RAP1GAP: variants seen among roughly 807,000 people sequenced by gnomAD.
RAP1GAP encodes the protein RAP1 GTPase activating protein.
Under a neutral mutation model 87.2 loss-of-function variants are expected in RAP1GAP, and 35 were observed. The ratio of observed to expected loss-of-function variants is 0.40; its 90% CI spans 0.31 to 0.53. The LOEUF is 0.53. Ranked by LOEUF, RAP1GAP falls within the 20% of genes least tolerant of loss-of-function variation. The probability of loss-of-function intolerance (pLI) is 0.48; values close to 1 mark genes in which losing one functional copy is unlikely to be tolerated. For missense variants in RAP1GAP, 734 were observed against 898.9 expected, an observed-to-expected ratio of 0.82 and a Z score of 2.35; for synonymous variants, 375 against 363.9, an observed-to-expected ratio of 1.03 and a Z score of -0.35.
In RAP1GAP at chr1:21,617,014, C is replaced by T. The variant is rs554519708; in HGVS notation, c.291+292G>A. Among the ~76,000 whole-genome samples, 184 of 152,320 alleles carry T rather than the reference C, an allele frequency of 1.2e-3. 1 individual carries two copies. Among genetic ancestry groups the T allele is most frequent in the African/African-American group, 4.1e-3 (171 of 41,568 alleles). On this transcript the variant is annotated intron_variant, in intron 7 of 24. Coordinates refer to ENST00000374765, the MANE Select transcript of RAP1GAP (RefSeq NM_002885.4). ...GCACAGAGAAGTTAAGCGATTTACC[C>T]GATGTCCTGTGTAGTGGGTGGCAGA... is the stretch of plus-strand genomic sequence containing the variant.
chr1:21,650,425 T>G (rs1264599941), intron 1 of RAP1GAP, among the ~76,000 whole-genome samples: 1 of 151,882 alleles, frequency 6.6e-6, no homozygotes, highest in African/African-American at 2.4e-5. Context: ...CCAGGACGCA[T>G]GTGTGGGTAG....
intron 2 of RAP1GAP, among the ~76,000 whole-genome samples, chr1:21,649,511 A>G (rs933640271): frequency 1.2e-4 from 18 of 152,324 alleles, no homozygotes; most frequent in African/African-American, 4.1e-4. Flanking sequence ...GTTCAGAGAC[A>G]TTAAGGAATT....
chr1:21,648,105 G>A (rs1345774061), intron 2 of RAP1GAP, among the ~76,000 whole-genome samples: 1 of 152,222 alleles, frequency 6.6e-6, no homozygotes, highest in Non-Finnish European at 1.5e-5. Flanking sequence ...CTTGGACAGC[G>A]GCTCCAGCTA....
intron 10 of RAP1GAP, 27 bp from the exon 11 acceptor site, chr1:21,612,136 G>A: frequency 6.6e-7 from 1 of 1,506,342 alleles, no homozygotes; most frequent in South Asian, 1.2e-5. Flanking sequence ...CGGGTGAAGA[G>A]GCTGCGTGTG....
chr1:21,642,905 C>CAT (rs2095653508), intron 2 of RAP1GAP, among the ~76,000 whole-genome samples: 2 of 151,868 alleles, frequency 1.3e-5, no homozygotes, highest in East Asian at 3.9e-4. Flanking sequence ...CACACACACA[C>CAT]ACACACACAC....
In RAP1GAP at chr1:21,622,655, G is replaced by GC. The variant is rs1362373752; in HGVS notation, c.-18-2606_-18-2605insG. 1.6e-4 allele frequency: 24 copies of GC among 148,244 alleles called. No individual in the cohort carries two copies. The highest frequency in any genetic ancestry group is 3.2e-4 in the Non-Finnish European group (21 of 66,604). The allele number at this position is 148,244 out of a possible 1,614,324, so 9.2% of individuals were successfully genotyped here. On this transcript the variant is annotated intron_variant, in intron 3 of 24. Coordinates refer to ENST00000374765, the MANE Select transcript of RAP1GAP (RefSeq NM_002885.4). The surrounding 1 kb of genome is among the most constrained non-coding windows in gnomAD (Gnocchi z 5.7). ...GGGGGCGCTGAAGCCACGCCCCCCGGGCGGCCCGGCCCGCGGCCCCGGGAC... is the reference window on the plus strand; with the variant it reads ...GGGGGCGCTGAAGCCACGCCCCCCGGCGCGGCCCGGCCCGCGGCCCCGGGAC...
Position 21,613,622 on chromosome 1 carries a change from C to A in RAP1GAP, c.474+6G>T, listed in dbSNP as rs1330872109. ...CCCGGGAAGCTCAGCGGAGCGGAGA[C>A]CTCACCTTTGCCATCTGGACAACAT... On this transcript the variant is annotated splice_donor_region_variant and intron_variant, in intron 9 of 24. Coordinates refer to ENST00000374765, the MANE Select transcript of RAP1GAP (RefSeq NM_002885.4). The surrounding 1 kb of genome is among the most constrained non-coding windows in gnomAD (Gnocchi z 4.7). 4 of 1,610,070 alleles carry A rather than the reference C, an allele frequency of 2.5e-6. No homozygotes were observed. The African/African-American group carries it at 5.3e-5, about 22-fold the overall frequency.
intron 2 of RAP1GAP, among the ~76,000 whole-genome samples, chr1:21,641,616 G>A (rs2095532838): frequency 6.6e-6 from 1 of 152,184 alleles, no homozygotes; most frequent in Non-Finnish European, 1.5e-5. Flanking sequence ...CCTGGCATGT[G>A]GTAGGAACTC....
At position 21,601,769 on chromosome 1, in the gene RAP1GAP, G is replaced by C; in HGVS notation, c.1567C>G (p.Pro523Ala). The C allele has an allele frequency of 6.2e-7, 1 of 1,611,008 alleles. No homozygotes were observed. The highest frequency in any genetic ancestry group is 1.1e-5 in the South Asian group (1 of 90,842). ...RESPPAGQKTPDSGHVSQEPK... is the reference protein window; with the variant it reads ...RESPPAGQKTADSGHVSQEPK... ...TCCTGTGAGACGTGCCCGCTGTCTG[G>C]GGTCTTCTGACCAGCCGGAGGGCTC... is the stretch of plus-strand genomic sequence containing the variant. Residue 523 changes from proline to alanine, a missense_variant, in exon 20 of 25, where the codon CCA (proline) becomes GCA (alanine). Pro to Ala is a conservative substitution (Grantham distance 27, BLOSUM62 -1). Coordinates refer to ENST00000374765, the MANE Select transcript of RAP1GAP (RefSeq NM_002885.4).
rs1414788370 is a variant in RAP1GAP at position 21,602,837 on chromosome 1, C to T, written c.1505G>A (p.Gly502Asp). 2 of 1,610,678 alleles carry T rather than the reference C, an allele frequency of 1.2e-6. No homozygotes were observed. The highest frequency in any genetic ancestry group is 1.1e-5 in the South Asian group (1 of 91,048). ...PFGSRRSSAI[G>D]IENIQEVQEK... ...CTGCACCTCCTGTATGTTCTCGATGCCAATGGCGCTGCTGCGGCGGGAGCC... is the reference window on the plus strand; with the variant it reads ...CTGCACCTCCTGTATGTTCTCGATGTCAATGGCGCTGCTGCGGCGGGAGCC... The change falls in exon 19 of 25, where the codon GGC becomes GAC. Residue 502 changes from glycine to aspartate, a missense_variant. Around this residue, in one of 2 missense-constraint regions of RAP1GAP, gnomAD observed 249 missense variants for 252.7 expected, o/e 0.99. Coordinates refer to ENST00000374765, the MANE Select transcript of RAP1GAP (RefSeq NM_002885.4).
rs2077255612 is a variant in RAP1GAP, at chr1:21,610,051, A to T, written c.999+69T>A. On this transcript the variant is annotated intron_variant, in intron 14 of 24. Coordinates refer to ENST00000374765, the MANE Select transcript of RAP1GAP (RefSeq NM_002885.4). ...TGGAAAAAGTGAGGCTCAGAGGGGC[A>T]TCCCAGGGAGGGCAGAGCTGCAGCC... 4.3e-5 allele frequency: 67 copies of T among 1,554,552 alleles called. 2 individuals are homozygous for T. In the South Asian group the frequency reaches 7.9e-4, roughly 18 times the overall value.
At chr1:21,614,457 C>T (rs1223553672) in intron 7 of RAP1GAP, among the ~76,000 whole-genome samples, 3 of 152,208 alleles carry the variant, frequency 2.0e-5, no homozygotes, top group Non-Finnish European at 4.4e-5. Context: ...ATATTCGGAC[C>T]TGCATGCCTG....
At chr1:21,640,163 C>T (rs887113797) in intron 2 of RAP1GAP, among the ~76,000 whole-genome samples, 1 of 151,824 alleles carries the variant, frequency 6.6e-6, no homozygotes, top group Admixed American at 6.6e-5. Flanking sequence ...CACCTCCAGG[C>T]CACTGCACAC....
At chr1:21,627,028 C>G in intron 2 of RAP1GAP, 3 of 456,490 alleles carry the variant, frequency 6.6e-6, no homozygotes, top group Admixed American at 2.3e-5. Context: ...AGTCTAAGCC[C>G]GGACTCTCTG....
chr1:21,617,523 C>T (rs1263772008), intron 6 of RAP1GAP, 32 bp from the exon 7 acceptor site: 3 of 1,560,940 alleles, frequency 1.9e-6, no homozygotes, highest in Non-Finnish European at 2.6e-6. Context: ...AGCCACCCCA[C>T]ACTGTACCCC....
chr1:21,661,991 G>T (rs967185978), intron 1 of RAP1GAP, among the ~76,000 whole-genome samples: 11 of 152,252 alleles, frequency 7.2e-5, no homozygotes. Flanking sequence ...ACTGAAGGGC[G>T]TGGTGTTCCC....
In RAP1GAP at chr1:21,609,935, G is replaced by C. The variant is rs2077175865; in HGVS notation, c.999+185C>G. ...GGCCAGGAGGCAGAGGAGGGAAACTGTCCTCTCTGAGGGGGTGAGCTTTGG... is the reference window on the plus strand; with the variant it reads ...GGCCAGGAGGCAGAGGAGGGAAACTCTCCTCTCTGAGGGGGTGAGCTTTGG... On this transcript the variant is annotated intron_variant, in intron 14 of 24. Transcript: ENST00000374765. This position sits in a 1 kb window ranked among gnomAD's most constrained non-coding sequence, Gnocchi z 4.4. Among the ~76,000 whole-genome samples, 1 of 152,196 alleles carries C rather than the reference G, an allele frequency of 6.6e-6. No individual in the cohort carries two copies. The highest frequency in any genetic ancestry group is 6.5e-5 in the Admixed American group (1 of 15,284).
chr1:21,622,612 C>CGCGGG lies in RAP1GAP; in HGVS notation c.-18-2567_-18-2563dup, dbSNP rs530100303. On this transcript the variant is annotated intron_variant, in intron 3 of 24. Transcript: ENST00000374765. The surrounding 1 kb of genome is among the most constrained non-coding windows in gnomAD (Gnocchi z 5.7). ...GGGGCGCCAGGTACGGGCGGCACGG[C>CGCGGG]GCGGGGCGGGGCGGGGCGGGGGCGC... 2,581 of 146,308 alleles carry CGCGGG rather than the reference C, an allele frequency of 0.018. 32 individuals carry two copies. The highest frequency in any genetic ancestry group is 0.025 in the Non-Finnish European group (1,673 of 65,758). The allele number at this position is 146,308 out of a possible 1,614,324, so 9.1% of individuals were successfully genotyped here. A position where few individuals can be genotyped will look rare whatever the true frequency, so the allele number is the denominator to read the frequency against.
chr1:21,640,786 C>G (rs994455885), intron 2 of RAP1GAP, among the ~76,000 whole-genome samples: 2 of 152,220 alleles, frequency 1.3e-5, no homozygotes, highest in African/African-American at 2.4e-5. Context: ...CCTGCTCCTA[C>G]AGGTTGGAGC....
Sources: allele counts gnomAD v4.1 joint callset (sites outside exome capture counted in the v4.1 genomes callset), GRCh38; gene constraint gnomAD v4.1.1; regional missense constraint gnomAD v4.1.1; non-coding constraint Gnocchi (gnomAD v3.1); transcripts MANE v1.5; gene names NCBI Gene and HGNC (gene_info 2026-07-23, HGNC 2026-07-21).